The following DSE variants were observed in gnomAD, a reference collection of about 807,000 sequenced individuals.
DSE encodes dermatan-sulfate epimerase.
DSE carries 36 observed loss-of-function variants against 84.4 expected under a neutral mutation model. The observed-to-expected ratio is 0.43, with a 90% CI of 0.33 to 0.56. The LOEUF is 0.56. Among genes scored for constraint, DSE ranks in the 20% least tolerant of loss-of-function variants. The probability of loss-of-function intolerance (pLI) is 0.06; values close to 1 mark genes in which losing one functional copy is unlikely to be tolerated. For synonymous variants in DSE, 410 were observed against 430.1 expected, an observed-to-expected ratio of 0.95 and a Z score of 0.58; for missense variants, 862 against 1,169.6, an observed-to-expected ratio of 0.74 and a Z score of 3.84.
chr6:116,408,608 C>T (rs529711727), intron 2 of DSE, among the ~76,000 whole-genome samples: 2 of 152,170 alleles, frequency 1.3e-5, no homozygotes, highest in African/African-American at 2.4e-5. Context: ...ACTCTGAAGA[C>T]GTGCCTGTCA....
chr6:116,409,084 A>G (rs563129075), intron 2 of DSE, among the ~76,000 whole-genome samples: 2 of 152,160 alleles, frequency 1.3e-5, no homozygotes, highest in African/African-American at 2.4e-5. Context: ...TTGGGGATAT[A>G]TATGATATAT....
Position 116,304,516 on chromosome 6 carries a change from G to A in DSE, c.-54+45549G>A, listed in dbSNP as rs528713730. On this transcript the variant is annotated intron_variant, in intron 2 of 3. Transcript: ENST00000430252. The stretch of plus-strand genomic sequence containing the variant: ...AACATTGAATATTTACAGTGTGTGG[G>A]ATGTGTAAACTATCAATAGCCTCAC... Among the ~76,000 whole-genome samples the A allele has an allele frequency of 4.6e-5, 7 of 152,318 alleles. No individual in the cohort carries two copies. In the Middle Eastern group the frequency reaches 0.01, roughly 222 times the overall value.
At chr6:116,327,758 T>C (rs1049357752) in intron 2 of DSE, among the ~76,000 whole-genome samples, 10 of 152,250 alleles carry the variant, frequency 6.6e-5, no homozygotes, top group African/African-American at 9.6e-5. Flanking sequence ...GAAAATGTTC[T>C]ATGATATATT....
intron 1 of DSE, among the ~76,000 whole-genome samples, chr6:116,389,954 T>A (rs1198229637): frequency 1.7e-4 from 26 of 148,974 alleles, no homozygotes; most frequent in Admixed American, 1.3e-3. Context: ...CTACAGTTTT[T>A]TAAAAAAAAA....
chr6:116,302,031 A>G (rs1582976385), intron 2 of DSE, among the ~76,000 whole-genome samples: 1 of 152,160 alleles, frequency 6.6e-6, no homozygotes, highest in Non-Finnish European at 1.5e-5. Context: ...AATCCAGTCT[A>G]TCATTGATGG....
intron 4 of DSE, among the ~76,000 whole-genome samples, chr6:116,432,067 AT>A (rs1444212118): frequency 6.6e-6 from 1 of 152,238 alleles, no homozygotes; most frequent in Non-Finnish European, 1.5e-5. Context: ...CATAAGAACC[AT>A]TTTAAGATTT....
chr6:116,291,186 C>A (rs1014945610), intron 2 of DSE, among the ~76,000 whole-genome samples: 1 of 151,974 alleles, frequency 6.6e-6, no homozygotes, highest in Non-Finnish European at 1.5e-5. Context: ...AATTATAATA[C>A]CAGATGAAAC....
intron 2 of DSE, among the ~76,000 whole-genome samples, chr6:116,405,043 C>T (rs1781832343): frequency 6.7e-6 from 1 of 148,160 alleles, no homozygotes; most frequent in Admixed American, 6.8e-5. Context: ...TGATTGCAAA[C>T]TTCTGGATGG....
intron 2 of DSE, among the ~76,000 whole-genome samples, chr6:116,289,100 G>A (rs141066826): frequency 6.6e-6 from 1 of 151,960 alleles, no homozygotes; most frequent in Non-Finnish European, 1.5e-5. Flanking sequence ...TCAGAGAGAG[G>A]AATGAAGCTA....
chr6:116,319,709 A>G (rs1161897733), intron 2 of DSE, among the ~76,000 whole-genome samples: 1 of 152,200 alleles, frequency 6.6e-6, no homozygotes, highest in Non-Finnish European at 1.5e-5. Context: ...TATCTTTGAC[A>G]TGGCCCTTGA....
intron 2 of DSE, among the ~76,000 whole-genome samples, chr6:116,348,005 C>G (rs1778090460): frequency 6.6e-6 from 1 of 152,174 alleles, no homozygotes; most frequent in Non-Finnish European, 1.5e-5. Flanking sequence ...AGACACTTCT[C>G]AAAAGAAGAC....
intron 2 of DSE, among the ~76,000 whole-genome samples, chr6:116,310,887 C>G (rs1775656517): frequency 6.6e-6 from 1 of 152,184 alleles, no homozygotes; most frequent in Non-Finnish European, 1.5e-5. Context: ...TATAATGAAT[C>G]AGAATGTCTT....
intron 2 of DSE, among the ~76,000 whole-genome samples, chr6:116,341,497 CA>C (rs1777590811): frequency 6.6e-6 from 1 of 152,140 alleles, no homozygotes; most frequent in East Asian, 1.9e-4. Context: ...TCCCATTTGT[CA>C]ATTTTGGCTT....
intron 2 of DSE, among the ~76,000 whole-genome samples, chr6:116,271,170 A>G (rs760387782): frequency 1.3e-5 from 2 of 152,252 alleles, no homozygotes; most frequent in Admixed American, 1.3e-4. Context: ...TCAACTGGAG[A>G]TGAAGCAGAA....
intron 2 of DSE, among the ~76,000 whole-genome samples, chr6:116,348,283 C>T (rs377624735): frequency 6.6e-6 from 1 of 152,092 alleles, no homozygotes; most frequent in East Asian, 1.9e-4. Context: ...AAAAATTAGC[C>T]AGGCATGGTG....
At chr6:116,279,450 A>G (rs748951760) in intron 2 of DSE, 64 of 1,612,992 alleles carry the variant, frequency 4.0e-5, no homozygotes, top group Non-Finnish European at 5.1e-5. Flanking sequence ...CCTTCTCTCC[A>G]CCCTGAACGC....
intron 2 of DSE, among the ~76,000 whole-genome samples, chr6:116,280,686 G>T (rs1042214156): frequency 6.6e-6 from 1 of 152,182 alleles, no homozygotes; most frequent in Admixed American, 6.5e-5. Flanking sequence ...ATTAGAGGGG[G>T]ATGTCAATGT....
chr6:116,407,371 T>G (rs530712666), intron 2 of DSE, among the ~76,000 whole-genome samples: 4 of 152,214 alleles, frequency 2.6e-5, no homozygotes, highest in Non-Finnish European at 5.9e-5. Context: ...TTTACATGTC[T>G]TTTTGTGTCA....
chr6:116,417,656 T>C (rs1782801967), intron 2 of DSE, among the ~76,000 whole-genome samples: 1 of 152,182 alleles, frequency 6.6e-6, no homozygotes, highest in Non-Finnish European at 1.5e-5. Flanking sequence ...ATATAGATTG[T>C]AAGAGGAAAT....
Sources: allele counts gnomAD v4.1 joint callset (sites outside exome capture counted in the v4.1 genomes callset), GRCh38; gene constraint gnomAD v4.1.1; transcripts MANE v1.5; gene names NCBI Gene and HGNC (gene_info 2026-07-23, HGNC 2026-07-21).